IFT43: variants seen among roughly 807,000 people sequenced by gnomAD.
IFT43 encodes the protein intraflagellar transport protein 43 homolog.
Under a neutral mutation model 32.3 loss-of-function variants are expected in IFT43, and 33 were observed. The observed-to-expected ratio is 1.02, with a 90% CI of 0.77 to 1.37. The LOEUF (loss-of-function observed/expected upper bound fraction) is 1.37, where lower values mean the gene tolerates loss of function less well. IFT43 is among the 40% of genes most tolerant of loss of function. The pLI is 0.00. For synonymous variants in IFT43, 93 were observed against 98.2 expected, an observed-to-expected ratio of 0.95 and a Z score of 0.31; for missense variants, 274 against 265.9, an observed-to-expected ratio of 1.03 and a Z score of -0.21.
chr14:76,028,261 C>T (rs2036442476), intron 3 of IFT43, among the ~76,000 whole-genome samples: 1 of 151,538 alleles, frequency 6.6e-6, no homozygotes, highest in Non-Finnish European at 1.5e-5. Context: ...CCTGTTCACC[C>T]ACAGTCTTTC....
intron 3 of IFT43, among the ~76,000 whole-genome samples, chr14:76,057,134 C>G (rs2037033384): frequency 6.6e-6 from 1 of 152,198 alleles, no homozygotes; most frequent in East Asian, 1.9e-4. Context: ...GTCATTCTTC[C>G]TTTTTAAAAA....
chr14:76,076,513 A>G lies in IFT43; in HGVS notation c.296-5782A>G, dbSNP rs7140892. 528,374 of 1,577,578 alleles carry G rather than the reference A, an allele frequency of 0.33. 89,271 individuals carry two copies. The highest frequency in any genetic ancestry group is 0.35 in the Admixed American group (19,493 of 55,092). ...TTCTCTCCCTGCTGGAGTTAGATTT[A>G]TACTCCAGGTGAAGAGCTGGGTAGT... On this transcript the variant is annotated intron_variant, in intron 5 of 8. Coordinates refer to ENST00000314067, the MANE Select transcript of IFT43 (RefSeq NM_001102564.3).
intron 5 of IFT43, chr14:76,059,621 A>G (rs1253744175): frequency 3.7e-5 from 19 of 515,486 alleles, no homozygotes; most frequent in Admixed American, 1.6e-4. Context: ...TTCCCCTGAA[A>G]CATCTTCCCT....
chr14:76,043,037 G>C (rs2036736240), intron 3 of IFT43, among the ~76,000 whole-genome samples: 1 of 152,176 alleles, frequency 6.6e-6, no homozygotes, highest in South Asian at 2.1e-4. Context: ...GGGATGAGAG[G>C]AAGAGAGGTG....
rs192537599 is a variant in IFT43, at chr14:76,067,675, A to G, written c.295+8302A>G. 3.3e-5 allele frequency among the ~76,000 whole-genome samples: 5 copies of G among 152,218 alleles called. No homozygotes were observed. In the East Asian group the frequency reaches 5.8e-4, roughly 18 times the overall value. ...GACATCAGAGGTGGCTTTGGGATCT[A>G]TTGCTTAACCAGAATGTACTATATG... On this transcript the variant is annotated intron_variant, in intron 5 of 8. Coordinates refer to ENST00000314067, the MANE Select transcript of IFT43 (RefSeq NM_001102564.3).
intron 1 of IFT43, chr14:75,986,042 A>G: frequency 1.3e-6 from 2 of 1,520,454 alleles, no homozygotes; most frequent in African/African-American, 2.8e-5. Context: ...TGCTTTCTTT[A>G]AAATCCTCAG....
intron 2 of IFT43, among the ~76,000 whole-genome samples, chr14:75,990,857 G>A (rs567033839): frequency 1.0e-3 from 156 of 152,266 alleles, no homozygotes; most frequent in African/African-American, 3.7e-3. Context: ...GGTCCAGGAG[G>A]ATTAATTCCA....
intron 2 of IFT43, among the ~76,000 whole-genome samples, chr14:76,020,613 C>T (rs1201367557): frequency 6.6e-6 from 1 of 152,048 alleles, no homozygotes; most frequent in Non-Finnish European, 1.5e-5. Context: ...TTTTATATAT[C>T]TTCAGCTGTA....
intron 5 of IFT43, among the ~76,000 whole-genome samples, chr14:76,069,124 G>A (rs1045221616): frequency 2.0e-5 from 3 of 152,172 alleles, no homozygotes; most frequent in Non-Finnish European, 4.4e-5. Flanking sequence ...TGCTTCTGGG[G>A]AGGCCTCAGG....
At chr14:75,994,638 C>G (rs149484643) in intron 2 of IFT43, among the ~76,000 whole-genome samples, 3 of 152,274 alleles carry the variant, frequency 2.0e-5, no homozygotes, top group African/African-American at 7.2e-5. Context: ...GCACCTGTTG[C>G]AAATCAGGCT....
Position 76,076,210 on chromosome 14 carries a change from G to A in IFT43, c.296-6085G>A, listed in dbSNP as rs547255092. On this transcript the variant is annotated intron_variant, in intron 5 of 8. Coordinates refer to ENST00000314067, the MANE Select transcript of IFT43 (RefSeq NM_001102564.3). ...TGGAAGCTCACTGAGTAAATGGAGT[G>A]GGGTGGTGTCATCATTAAGCACCCT... Among the ~76,000 whole-genome samples the A allele has an allele frequency of 3.9e-5, 6 of 152,304 alleles. No individual in the cohort carries two copies. In the East Asian group the frequency reaches 1.2e-3, roughly 29 times the overall value.
At chr14:75,991,403 G>A (rs1437610090) in intron 2 of IFT43, among the ~76,000 whole-genome samples, 1 of 141,092 alleles carries the variant, frequency 7.1e-6, no homozygotes, top group Non-Finnish European at 1.5e-5. Context: ...GTGTGTGTGT[G>A]TGTGTGTGTG....
intron 2 of IFT43, among the ~76,000 whole-genome samples, chr14:76,017,736 G>C (rs1039842032): frequency 6.6e-6 from 1 of 152,026 alleles, no homozygotes; most frequent in African/African-American, 2.4e-5. Flanking sequence ...TTACTTGTTA[G>C]TGGTCTGTTC....
chr14:75,985,979 T>A lies in IFT43; in HGVS notation c.54+139T>A, dbSNP rs1316510016. 110 of 1,528,454 alleles carry A rather than the reference T, an allele frequency of 7.2e-5. 1 individual carries two copies. In the East Asian group the frequency reaches 2.7e-3, roughly 37 times the overall value. 94.7% of individuals were successfully genotyped at this position (1,528,454 alleles called of 1,614,324 possible). ...GGGTGAGGCCCAGAAGGAGGCAGCC[T>A]CACCGCCCCGCCCCCAGGCCACTGT... On this transcript the variant is annotated intron_variant, in intron 1 of 8. Coordinates refer to ENST00000314067, the MANE Select transcript of IFT43 (RefSeq NM_001102564.3).
At position 76,083,582 on chromosome 14, in the gene IFT43, G is replaced by A. The variant is rs193208196; in HGVS notation, c.*5G>A. The A allele has an allele frequency of 1.5e-4, 243 of 1,613,704 alleles. 2 individuals carry two copies. The highest frequency in any genetic ancestry group is 4.6e-4 in the South Asian group (42 of 91,090). On this transcript the variant is annotated 3_prime_UTR_variant, in exon 9 of 9. Transcript: ENST00000314067. ...GGGCAGGCCAGGCACACCTGAGCCC[G>A]TCACCCATGCTCTAGACATGAAGAA... is the stretch of plus-strand genomic sequence containing the variant.
chr14:76,075,667 G>A (rs1384500529), intron 5 of IFT43, among the ~76,000 whole-genome samples: 1 of 152,222 alleles, frequency 6.6e-6, no homozygotes, highest in Non-Finnish European at 1.5e-5. Flanking sequence ...GGGACATAGT[G>A]TCGCAGCAGC....
Position 76,032,271 on chromosome 14 carries a change from C to G in IFT43, c.215+9877C>G, listed in dbSNP as rs558483620. ...GCCAGCACCTGGCTGCAGCCACCATCATTTCTTGCACTGGCTCAAGTGAGA... is the reference window on the plus strand; with the variant it reads ...GCCAGCACCTGGCTGCAGCCACCATGATTTCTTGCACTGGCTCAAGTGAGA... On this transcript the variant is annotated intron_variant, in intron 3 of 8. Transcript: ENST00000314067. 5.9e-5 allele frequency among the ~76,000 whole-genome samples: 9 copies of G among 152,354 alleles called. No homozygotes were observed. In the East Asian group the frequency reaches 1.7e-3, roughly 29 times the overall value.
At chr14:76,027,896 T>C (rs1007827093) in intron 3 of IFT43, among the ~76,000 whole-genome samples, 1 of 152,080 alleles carries the variant, frequency 6.6e-6, no homozygotes, top group Non-Finnish European at 1.5e-5. Flanking sequence ...ATATTGTGTT[T>C]CGTAGTTGTC....
At position 76,032,913 on chromosome 14, in the gene IFT43, T is replaced by C. The variant is rs2036533704; in HGVS notation, c.215+10519T>C. On this transcript the variant is annotated intron_variant, in intron 3 of 8. Transcript: ENST00000314067. The stretch of plus-strand genomic sequence containing the variant: ...TGAAGGTCACTGCAAGGAGCCCCAC[T>C]TAGGTGTCTGGTTGGGTCATGGTGC... Among the ~76,000 whole-genome samples, 4 of 152,142 alleles carry C rather than the reference T, an allele frequency of 2.6e-5. No individual in the cohort carries two copies. In the South Asian group the frequency reaches 8.3e-4, roughly 32 times the overall value.
Sources: allele counts gnomAD v4.1 joint callset (sites outside exome capture counted in the v4.1 genomes callset), GRCh38; gene constraint gnomAD v4.1.1; transcripts MANE v1.5; gene names NCBI Gene and HGNC (gene_info 2026-07-23, HGNC 2026-07-21).